FRAS1: variants seen among roughly 807,000 people sequenced by gnomAD.
FRAS1 encodes the protein extracellular matrix organizing protein FRAS1.
Under a neutral mutation model 435.2 loss-of-function variants are expected in FRAS1, and 290 were observed. That is an observed-to-expected ratio of 0.67 (90% CI 0.61 to 0.73). The LOEUF (loss-of-function observed/expected upper bound fraction) is 0.73, where lower values mean the gene tolerates loss of function less well. Among genes scored for constraint, FRAS1 ranks in the 30% least tolerant of loss-of-function variants. The probability of loss-of-function intolerance (pLI) is 0.00; values close to 1 mark genes in which losing one functional copy is unlikely to be tolerated. For missense variants in FRAS1, 4,860 were observed against 5,001.5 expected (o/e 0.97, Z 0.85); for synonymous variants, 1,800 against 1,851.0 (o/e 0.97, Z 0.71).
intron 2 of FRAS1, among the ~76,000 whole-genome samples, chr4:78,176,017 A>G (rs1721766118): frequency 6.6e-6 from 1 of 152,210 alleles, no homozygotes; most frequent in Non-Finnish European, 1.5e-5. Context: ...TCAGTTGCTC[A>G]GACATTAGTG....
intron 70 of FRAS1, among the ~76,000 whole-genome samples, chr4:78,530,335 T>C (rs1046143684): frequency 2.0e-5 from 3 of 152,110 alleles, no homozygotes; most frequent in African/African-American, 7.2e-5. Context: ...TTGCTGAGGA[T>C]ACTGAGGCTT....
chr4:78,181,900 A>G lies in FRAS1; in HGVS notation c.109-55610A>G. The G allele has an allele frequency of 3.1e-6, 5 of 1,611,174 alleles. No homozygotes were observed. In the South Asian group the frequency reaches 3.3e-5, roughly 11 times the overall value. On this transcript the variant is annotated intron_variant, in intron 2 of 73. Coordinates refer to ENST00000512123, the MANE Select transcript of FRAS1 (RefSeq NM_025074.7). ...CCGCCTGAGCTGCGCTCTTGGCCCC[A>G]GGGCCCCCAACGCCACCCCTGCCGG...
rs73827983 is a variant in FRAS1, at chr4:78,342,134, A to G, written c.2422+4317A>G. Among the ~76,000 whole-genome samples, 886 of 152,302 alleles carry G rather than the reference A, an allele frequency of 5.8e-3. 8 individuals carry two copies. Among genetic ancestry groups the G allele is most frequent in the African/African-American group, 0.02 (840 of 41,582 alleles). On this transcript the variant is annotated intron_variant, in intron 20 of 73. Transcript: ENST00000512123. ...CCGTGTCCTTGGGAAGTCCTAGCTC[A>G]TGGGAAGTCCCGGAGAAGGACCCTC... is the stretch of plus-strand genomic sequence containing the variant.
intron 37 of FRAS1, among the ~76,000 whole-genome samples, chr4:78,432,077 A>G (rs1329197659): frequency 6.6e-6 from 1 of 152,198 alleles, no homozygotes; most frequent in Non-Finnish European, 1.5e-5. Context: ...TTTTAGCTCA[A>G]TATGATTAAG....
At chr4:78,477,002 A>C (rs868075170) in intron 54 of FRAS1, among the ~76,000 whole-genome samples, 12 of 151,842 alleles carry the variant, frequency 7.9e-5, no homozygotes, top group African/African-American at 1.7e-4. Flanking sequence ...AAAAAAAAAA[A>C]AACAAAGTAA....
In FRAS1 at chr4:78,137,945, G is replaced by C. The variant is rs371765067; in HGVS notation, c.108+71929G>C. On this transcript the variant is annotated intron_variant, in intron 2 of 73. Transcript: ENST00000512123. ...GTGCAGTGCCTGGCACATACAGAAG[G>C]CCGGATGAATGGTATTTATTGGTAG... 3.9e-5 allele frequency among the ~76,000 whole-genome samples: 6 copies of C among 152,312 alleles called. No individual in the cohort carries two copies. The East Asian group carries it at 9.6e-4, about 24-fold the overall frequency.
chr4:78,285,188 A>G (rs923852726), intron 13 of FRAS1, among the ~76,000 whole-genome samples: 4 of 151,752 alleles, frequency 2.6e-5, no homozygotes, highest in African/African-American at 4.8e-5. Context: ...TATGATGTTA[A>G]TTATCCATTT....
At position 78,482,476 on chromosome 4, in the gene FRAS1, G is replaced by A; in HGVS notation, c.8693G>A (p.Gly2898Glu). ...GTGGTTTTCCTCAGCTCAGCACAAGGAGCCGAACTGACCAAACCCTTCCAG... is the reference window on the plus strand; with the variant it reads ...GTGGTTTTCCTCAGCTCAGCACAAGAAGCCGAACTGACCAAACCCTTCCAG... Reference protein sequence around the residue: ...TFVVFLSSAQGAELTKPFQAV... With the variant: ...TFVVFLSSAQEAELTKPFQAV... The change falls in exon 58 of 74, where the codon GGA (glycine) becomes GAA (glutamate). Residue 2898 changes from glycine to glutamate, a missense_variant. Transcript: ENST00000512123. The A allele has an allele frequency of 6.2e-7, 1 of 1,613,958 alleles. No individual in the cohort carries two copies. The highest frequency in any genetic ancestry group is 1.1e-5 in the South Asian group (1 of 91,078).
At chr4:78,295,753 T>C (rs1436522604) in intron 14 of FRAS1, among the ~76,000 whole-genome samples, 1 of 151,954 alleles carries the variant, frequency 6.6e-6, no homozygotes, top group Non-Finnish European at 1.5e-5. Context: ...TCCTTCTTTT[T>C]TTTTTTTTTT....
chr4:78,153,578 TGAG>T lies in FRAS1; in HGVS notation c.109-83928_109-83926del, dbSNP rs377548771. On this transcript the variant is annotated intron_variant, in intron 2 of 73. Coordinates refer to ENST00000512123, the MANE Select transcript of FRAS1 (RefSeq NM_025074.7). ...AAGTATATTTAGAACATTTAGCACT[TGAG>T]GAGTGTTAAAGACTGTCTGTATATT... is the stretch of plus-strand genomic sequence containing the variant. Among the ~76,000 whole-genome samples, 17 of 152,266 alleles carry T rather than the reference TGAG, an allele frequency of 1.1e-4. No individual in the cohort carries two copies. In the East Asian group the frequency reaches 1.5e-3, roughly 14 times the overall value.
Position 78,337,719 on chromosome 4 carries a change from A to G in FRAS1, c.2324A>G (p.Asp775Gly), listed in dbSNP as rs1456819894. ...CRQCHGPLES[D>G]CISCYPHISL... Reference sequence around the variant, plus strand: ...CAGTGTCATGGGCCGTTGGAGTCTGACTGCATCTCCTGTTACCCTCACATC... The same window carrying G: ...CAGTGTCATGGGCCGTTGGAGTCTGGCTGCATCTCCTGTTACCCTCACATC... Residue 775 changes from aspartate (D) to glycine (G), a missense_variant, in exon 20 of 74, where the codon GAC (aspartate) becomes GGC (glycine). Asp to Gly is a moderately conservative substitution (Grantham distance 94). Transcript: ENST00000512123. 1.2e-6 allele frequency: 2 copies of G among 1,613,930 alleles called. No individual in the cohort carries two copies. Among genetic ancestry groups the G allele is most frequent in the Non-Finnish European group, 1.7e-6 (2 of 1,179,832 alleles).
chr4:78,100,978 G>C (rs1742096676), intron 2 of FRAS1, among the ~76,000 whole-genome samples: 1 of 152,124 alleles, frequency 6.6e-6, no homozygotes, highest in African/African-American at 2.4e-5. Context: ...ACAGGGGAAG[G>C]GAAAAGAAGC....
rs114699370 is a variant in FRAS1, at chr4:78,165,648, T to A, written c.109-71862T>A. On this transcript the variant is annotated intron_variant, in intron 2 of 73. Coordinates refer to ENST00000512123, the MANE Select transcript of FRAS1 (RefSeq NM_025074.7). ...GGTCATTTGGGCAGAACTGCCTATA[T>A]GGACCAGGCTTGTGTGATCTTGATT... 6.6e-3 allele frequency among the ~76,000 whole-genome samples: 1,000 copies of A among 152,324 alleles called. 7 individuals carry two copies. The highest frequency in any genetic ancestry group is 8.7e-3 in the Non-Finnish European group (594 of 68,026).
Position 78,372,183 on chromosome 4 carries a change from C to A in FRAS1, c.2870-535C>A, listed in dbSNP as rs373344797. Among the ~76,000 whole-genome samples the A allele has an allele frequency of 2.1e-4, 32 of 152,302 alleles. 1 individual carries two copies. In the East Asian group the frequency reaches 2.1e-3, roughly 10 times the overall value. ...CTTTCTGGACAGCACCTTTATGCCC[C>A]ATATAATTCTGACATCATTGGTTCT... On this transcript the variant is annotated intron_variant, in intron 23 of 73. Transcript: ENST00000512123.
chr4:78,242,379 G>A (rs1725039136), intron 3 of FRAS1, among the ~76,000 whole-genome samples: 1 of 152,174 alleles, frequency 6.6e-6, no homozygotes, highest in African/African-American at 2.4e-5. Context: ...CAGACCTGCT[G>A]TGGTACCCTT....
At chr4:78,365,399 A>G (rs2903468) in intron 22 of FRAS1, among the ~76,000 whole-genome samples, 6,231 of 152,304 alleles carry the variant, frequency 0.041, 451 homozygotes, top group African/African-American at 0.14. Flanking sequence ...TCTTCTATTC[A>G]GGAGCAAGAG....
intron 38 of FRAS1, among the ~76,000 whole-genome samples, chr4:78,435,897 A>G (rs2109819557): frequency 6.6e-6 from 1 of 152,336 alleles, no homozygotes; most frequent in Non-Finnish European, 1.5e-5. Context: ...AGACAGATCA[A>G]GTACTGAAAA....
chr4:78,117,885 C>G (rs1458474824), intron 2 of FRAS1, among the ~76,000 whole-genome samples: 2 of 152,216 alleles, frequency 1.3e-5, no homozygotes, highest in South Asian at 2.1e-4. Context: ...AGCTGCATTC[C>G]TTTGGTGGAG....
At chr4:78,165,755 T>G (rs1721310674) in intron 2 of FRAS1, among the ~76,000 whole-genome samples, 1 of 152,174 alleles carries the variant, frequency 6.6e-6, no homozygotes, top group African/African-American at 2.4e-5. Flanking sequence ...GTCTAGGAGA[T>G]GACTGGCTGT....
Sources: gnomAD v4.1 joint callset for allele counts (sites outside exome capture counted in the v4.1 genomes callset) on GRCh38, gnomAD v4.1.1 for gene constraint, MANE v1.5 for transcripts, NCBI Gene and HGNC (gene_info 2026-07-23, HGNC 2026-07-21) for gene names.